MAU2: variants seen among roughly 807,000 people sequenced by gnomAD.
MAU2 encodes MAU2 chromatid cohesion factor homolog.
A neutral mutation model predicts 89.1 loss-of-function variants in MAU2; 9 were observed. That is an observed-to-expected ratio of 0.10 (90% CI 0.06 to 0.18). The LOEUF is 0.18. Ranked by LOEUF, MAU2 falls within the 10% of genes least tolerant of loss-of-function variation. The probability of loss-of-function intolerance (pLI) is 1.00; values close to 1 mark genes in which losing one functional copy is unlikely to be tolerated. For missense variants in MAU2, 425 were observed against 803.5 expected (o/e 0.53, Z 5.69); for synonymous variants, 357 against 343.4 (o/e 1.04, Z -0.44).
rs994606344 is a variant in MAU2, at chr19:19,357,884, T to G, written c.*2102T>G. Reference sequence around the variant, plus strand: ...GACACAAAGCTTTTGATAAGTACTTTCCTGTGGGTCGCTCAGCGCCTCATA... The same window carrying G: ...GACACAAAGCTTTTGATAAGTACTTGCCTGTGGGTCGCTCAGCGCCTCATA... On this transcript the variant is annotated 3_prime_UTR_variant, in exon 19 of 19. Transcript: ENST00000262815. 2.0e-5 allele frequency: 3 copies of G among 151,958 alleles called. No individual in the cohort carries two copies. Among genetic ancestry groups the G allele is most frequent in the African/African-American group, 4.8e-5 (2 of 41,382 alleles). The allele number at this position is 151,958 out of a possible 1,614,324, so 9.4% of individuals were successfully genotyped here. A position where few individuals can be genotyped will look rare whatever the true frequency, so the allele number is the denominator to read the frequency against.
In MAU2 at chr19:19,355,582, A is replaced by G. The variant is rs1051772435; in HGVS notation, c.1768-126A>G. The G allele has an allele frequency of 2.7e-5, 32 of 1,190,630 alleles. No homozygotes were observed. In the Middle Eastern group the frequency reaches 1.2e-3, roughly 44 times the overall value. 73.8% of individuals were successfully genotyped at this position (1,190,630 alleles called of 1,614,324 possible). A position where few individuals can be genotyped will look rare whatever the true frequency, so the allele number is the denominator to read the frequency against. ...GGACCCAGGTGTCTCCTCGGGGCCCATTGGACTGGGGCATGGAGAACAGAG... is the reference window on the plus strand; with the variant it reads ...GGACCCAGGTGTCTCCTCGGGGCCCGTTGGACTGGGGCATGGAGAACAGAG... On this transcript the variant is annotated intron_variant, in intron 18 of 18. Transcript: ENST00000262815.
rs35932608 is a variant in MAU2, at chr19:19,351,837, ATTTTTTTTT to A, written c.1548+2422_1548+2430del. Among the ~76,000 whole-genome samples, 5 of 58,918 alleles carry A rather than the reference ATTTTTTTTT, an allele frequency of 8.5e-5. No homozygotes were observed. In the East Asian group the frequency reaches 1.9e-3, roughly 23 times the overall value. 38.7% of individuals were successfully genotyped at this position (58,918 alleles called of 152,430 possible). On this transcript the variant is annotated intron_variant, in intron 16 of 18. Transcript: ENST00000262815. ...GTTTTGCTTGTCAGCCTGTTTGGTAATTTTTTTTTTTTTTTTTTTTTTTTTTTTTGAGAT... is the reference window on the plus strand; with the variant it reads ...GTTTTGCTTGTCAGCCTGTTTGGTAATTTTTTTTTTTTTTTTTTTTGAGAT...
At chr19:19,327,042 C>T (rs1393045348) in intron 1 of MAU2, among the ~76,000 whole-genome samples, 1 of 150,916 alleles carries the variant, frequency 6.6e-6, no homozygotes, top group East Asian at 1.9e-4. Context: ...AAACTCCGGG[C>T]CTCAAGCAAT....
chr19:19,325,091 G>C (rs935701494), intron 1 of MAU2, among the ~76,000 whole-genome samples: 1 of 152,170 alleles, frequency 6.6e-6, no homozygotes, highest in Non-Finnish European at 1.5e-5. Flanking sequence ...CCAACCCAGT[G>C]TAACAGTATT....
intron 1 of MAU2, among the ~76,000 whole-genome samples, chr19:19,323,798 A>G (rs996351311): frequency 1.5e-4 from 23 of 152,338 alleles, no homozygotes; most frequent in African/African-American, 5.5e-4. Flanking sequence ...AGGCAACTTT[A>G]GTCCTCACTT....
chr19:19,338,509 C>T (rs1331014173), intron 4 of MAU2, among the ~76,000 whole-genome samples: 1 of 152,224 alleles, frequency 6.6e-6, no homozygotes, highest in Non-Finnish European at 1.5e-5. Flanking sequence ...TGAAGACAGA[C>T]CCCACAAAGC....
intron 1 of MAU2, chr19:19,329,120 A>T (rs1270877868): frequency 2.2e-6 from 1 of 456,010 alleles, no homozygotes; most frequent in Non-Finnish European, 4.4e-6. Flanking sequence ...CTTAAGACCC[A>T]ACAGGGCTAG....
intron 18 of MAU2, 114 bp from the exon 19 acceptor site, chr19:19,355,594 C>A: frequency 8.3e-7 from 1 of 1,206,298 alleles, no homozygotes; most frequent in Non-Finnish European, 1.2e-6. Context: ...TGGACTGGGG[C>A]ATGGAGAACA....
In MAU2 at chr19:19,321,034, C is replaced by T; in HGVS notation, c.175C>T (p.Pro59Ser). 1 of 1,612,690 alleles carries T rather than the reference C, an allele frequency of 6.2e-7. No individual in the cohort carries two copies. Among genetic ancestry groups the T allele is most frequent in the Non-Finnish European group, 8.5e-7 (1 of 1,179,404 alleles). Residue 59 changes from proline (P) to serine (S), a missense_variant, in exon 1 of 19, where the codon CCG (proline) becomes TCG (serine). Physicochemically the swap from Pro to Ser is moderately conservative, Grantham distance 74. Around this residue, in one of 11 missense-constraint regions of MAU2, gnomAD observed 57 missense variants for 57.5 expected, o/e 0.99. Coordinates refer to ENST00000262815, the MANE Select transcript of MAU2 (RefSeq NM_015329.4). ...CCTGCAGGCCGTGTTCCCCTTCAAG[C>T]CGCCGCAGCGCATCGAGGCCCGTAC... Reference protein sequence around the residue: ...HCLQAVFPFKPPQRIEARTHL... With the variant: ...HCLQAVFPFKSPQRIEARTHL...
intron 1 of MAU2, among the ~76,000 whole-genome samples, chr19:19,327,535 C>G (rs1312218976): frequency 6.6e-6 from 1 of 151,858 alleles, no homozygotes; most frequent in African/African-American, 2.4e-5. Context: ...CCGTGTTAGC[C>G]AGGATGGTCT....
Position 19,339,965 on chromosome 19 carries a change from A to G in MAU2, c.552-881A>G, listed in dbSNP as rs537886508. On this transcript the variant is annotated intron_variant, in intron 5 of 18. Transcript: ENST00000262815. The stretch of plus-strand genomic sequence containing the variant: ...GGGCAGATCACGAGGTCAGGAGATC[A>G]AGACCATCCTGTGAATGGTGAAACC... Among the ~76,000 whole-genome samples, 414 of 151,160 alleles carry G rather than the reference A, an allele frequency of 2.7e-3. 2 individuals are homozygous for G. The highest frequency in any genetic ancestry group is 0.013 in the Admixed American group (191 of 15,170).
At position 19,356,676 on chromosome 19, in the gene MAU2, C is replaced by CT. The variant is rs200959995; in HGVS notation, c.*897dup. 778 of 155,222 alleles carry CT rather than the reference C, an allele frequency of 5.0e-3. 5 individuals are homozygous for CT. The highest frequency in any genetic ancestry group is 8.6e-3 in the Non-Finnish European group (602 of 70,154). 9.6% of individuals were successfully genotyped at this position (155,222 alleles called of 1,614,324 possible). ...GCCCCCGAGATCTGGAGCCCAGGGA[C>CT]TTTCTTCCTGGCAGATCTGTGGCCT... On this transcript the variant is annotated 3_prime_UTR_variant, in exon 19 of 19. Coordinates refer to ENST00000262815, the MANE Select transcript of MAU2 (RefSeq NM_015329.4).
chr19:19,340,726 T>C (rs2061637805), intron 5 of MAU2, 120 bp from the exon 6 acceptor site: 1 of 826,542 alleles, frequency 1.2e-6, no homozygotes, highest in African/African-American at 1.7e-5. Context: ...CTGTTCTCTG[T>C]TGTCCACTGA....
chr19:19,326,920 A>G (rs995867577), intron 1 of MAU2, among the ~76,000 whole-genome samples: 2 of 150,682 alleles, frequency 1.3e-5, no homozygotes, highest in Non-Finnish European at 3.0e-5. Context: ...TCCCCATCAG[A>G]GTCAAAGAGG....
At chr19:19,333,727 G>A (rs2061574979) in intron 1 of MAU2, among the ~76,000 whole-genome samples, 1 of 152,248 alleles carries the variant, frequency 6.6e-6, no homozygotes, top group Non-Finnish European at 1.5e-5. Flanking sequence ...AAGGGAGGAG[G>A]GGGAATTCAC....
At chr19:19,347,430 G>C in intron 13 of MAU2, 64 bp downstream of exon 13, 1 of 1,304,834 alleles carries the variant, frequency 7.7e-7, no homozygotes, top group Non-Finnish European at 1.1e-6. Context: ...GGGAACCAGG[G>C]GGTTGTCCTG....
At chr19:19,352,592 G>A (rs977664899) in intron 16 of MAU2, 1 of 152,288 alleles carries the variant, frequency 6.6e-6, no homozygotes, top group Non-Finnish European at 1.5e-5. Flanking sequence ...GCCTGGGGGT[G>A]TGTCAGATGG....
At chr19:19,348,406 C>T (rs968525) in intron 13 of MAU2, 48,514 of 216,606 alleles carry the variant, frequency 0.22, 6,215 homozygotes, top group South Asian at 0.33. Context: ...CATCCGATGC[C>T]ATACGTGGGC....
chr19:19,333,509 A>G (rs2061573153), intron 1 of MAU2, among the ~76,000 whole-genome samples: 1 of 152,204 alleles, frequency 6.6e-6, no homozygotes, highest in Non-Finnish European at 1.5e-5. Context: ...AGCTGTTGCT[A>G]TGAGGAGACA....
Sources: allele counts gnomAD v4.1 joint callset (sites outside exome capture counted in the v4.1 genomes callset), GRCh38; gene constraint gnomAD v4.1.1; regional missense constraint gnomAD v4.1.1; transcripts MANE v1.5; gene names NCBI Gene and HGNC (gene_info 2026-07-23, HGNC 2026-07-21).